The following TMEM65 variants were observed in gnomAD, a reference collection of about 807,000 sequenced individuals.
TMEM65 encodes the protein transmembrane protein 65.
A neutral mutation model predicts 25.4 loss-of-function variants in TMEM65; 22 were observed. That is an observed-to-expected ratio of 0.86 (90% CI 0.62 to 1.23). TMEM65 has a LOEUF of 1.23. Ranked by LOEUF, TMEM65 falls within the 50% of genes most tolerant of loss-of-function variation. The pLI is 0.00. For missense variants in TMEM65, 262 were observed against 308.2 expected (o/e 0.85, Z 1.12); for synonymous variants, 132 against 126.2 (o/e 1.05, Z -0.31).
intron 6 of TMEM65, 115 bp from the exon 7 acceptor site, chr8:124,314,176 T>C (rs1814202995): frequency 2.7e-6 from 2 of 744,984 alleles, no homozygotes; most frequent in African/African-American, 1.8e-5. Flanking sequence ...CCTTCATATA[T>C]ATTCCTCTTC....
intron 1 of TMEM65, among the ~76,000 whole-genome samples, chr8:124,359,841 T>C (rs1425378565): frequency 6.6e-6 from 1 of 152,196 alleles, no homozygotes; most frequent in African/African-American, 2.4e-5. Context: ...TTAGTAATTA[T>C]ACCACACTAA....
At chr8:124,333,324 T>C (rs888103791) in intron 1 of TMEM65, among the ~76,000 whole-genome samples, 4 of 152,096 alleles carry the variant, frequency 2.6e-5, no homozygotes, top group Admixed American at 1.3e-4. Context: ...TATTTCCATA[T>C]ATATATATTT....
At chr8:124,365,248 T>C (rs1327461480) in intron 1 of TMEM65, among the ~76,000 whole-genome samples, 1 of 152,216 alleles carries the variant, frequency 6.6e-6, no homozygotes, top group Non-Finnish European at 1.5e-5. Context: ...TTGACTTACC[T>C]GGAAGCCATA....
intron 1 of TMEM65, among the ~76,000 whole-genome samples, chr8:124,346,917 T>C (rs1324398735): frequency 3.3e-5 from 5 of 152,296 alleles, no homozygotes; most frequent in African/African-American, 1.2e-4. Context: ...AAAGTTCAAA[T>C]GAGTAAGGTA....
Position 124,312,324 on chromosome 8 carries a change from T to C in TMEM65, c.*1636A>G, listed in dbSNP as rs146215009. On this transcript the variant is annotated 3_prime_UTR_variant, in exon 7 of 7. Coordinates refer to ENST00000297632, the MANE Select transcript of TMEM65 (RefSeq NM_194291.3). ...ATGTTATATATTTATTTTTAGATTA[T>C]ATGCTATATTTTTATGCTTTCTCTC... The C allele has an allele frequency of 2.6e-4, 40 of 152,186 alleles. No homozygotes were observed. The East Asian group carries it at 7.7e-3, about 29-fold the overall frequency. 9.4% of individuals were successfully genotyped at this position (152,186 alleles called of 1,614,324 possible).
In TMEM65 at chr8:124,371,955, G is replaced by A. The variant is rs765491688; in HGVS notation, c.203C>T (p.Thr68Met). The A allele has an allele frequency of 2.0e-6, 3 of 1,508,512 alleles. No homozygotes were observed. The highest frequency in any genetic ancestry group is 4.3e-5 in the Admixed American group (2 of 46,816). The allele number at this position is 1,508,512 out of a possible 1,614,324, so 93.4% of individuals were successfully genotyped here. ...PKKEPMEALNTAQGARDFIYS... is the reference protein window; with the variant it reads ...PKKEPMEALNMAQGARDFIYS... ...GATGAAGTCGCGCGCGCCCTGCGCC[G>A]TGTTCAGCGCCTCCATGGGCTCCTT... is the stretch of plus-strand genomic sequence containing the variant. Residue 68 changes from threonine to methionine, a missense_variant, in exon 1 of 7, where the codon ACG becomes ATG. Physicochemically the swap from Thr to Met is moderately conservative, Grantham distance 81. Coordinates refer to ENST00000297632, the MANE Select transcript of TMEM65 (RefSeq NM_194291.3).
intron 1 of TMEM65, 53 bp downstream of exon 1, chr8:124,371,801 A>G: frequency 6.8e-7 from 1 of 1,468,230 alleles, no homozygotes; most frequent in Non-Finnish European, 9.0e-7. Flanking sequence ...TGGGCTGGCG[A>G]GAAGAGGAGG....
intron 1 of TMEM65, among the ~76,000 whole-genome samples, chr8:124,349,695 C>A (rs1391381762): frequency 6.6e-6 from 1 of 152,080 alleles, no homozygotes; most frequent in Non-Finnish European, 1.5e-5. Context: ...CTTCATGATC[C>A]TTTCAAGAGA....
chr8:124,370,859 T>G (rs1563602438), intron 1 of TMEM65, among the ~76,000 whole-genome samples: 1 of 152,184 alleles, frequency 6.6e-6, no homozygotes, highest in Non-Finnish European at 1.5e-5. Context: ...GAGAGGAGAG[T>G]AAACTTTTTT....
chr8:124,343,446 T>C (rs1421922426), intron 1 of TMEM65, among the ~76,000 whole-genome samples: 2 of 152,104 alleles, frequency 1.3e-5, no homozygotes, highest in African/African-American at 4.8e-5. Context: ...GACCTTTCAC[T>C]ATCTAGAACC....
chr8:124,343,964 A>G (rs531782737), intron 1 of TMEM65, among the ~76,000 whole-genome samples: 11 of 152,352 alleles, frequency 7.2e-5, no homozygotes, highest in Non-Finnish European at 1.2e-4. Context: ...TTATAGGCAA[A>G]TGTGTAACCC....
At chr8:124,361,195 AG>A (rs1356022696) in intron 1 of TMEM65, among the ~76,000 whole-genome samples, 3 of 151,886 alleles carry the variant, frequency 2.0e-5, no homozygotes, top group East Asian at 2.0e-4. Flanking sequence ...GCACTTTGGG[AG>A]GCCGAGGCGG....
rs552270988 is a variant in TMEM65 at position 124,332,047 on chromosome 8, T to C, written c.305-1255A>G. Reference sequence around the variant, plus strand: ...AAGCAAACTTAAGCTTTATTTTTCCTTTTTTAGAAGAATTAAGAAATGAAG... The same window carrying C: ...AAGCAAACTTAAGCTTTATTTTTCCCTTTTTAGAAGAATTAAGAAATGAAG... On this transcript the variant is annotated intron_variant, in intron 1 of 6. Coordinates refer to ENST00000297632, the MANE Select transcript of TMEM65 (RefSeq NM_194291.3). Among the ~76,000 whole-genome samples the C allele has an allele frequency of 2.2e-3, 338 of 152,196 alleles. 2 individuals are homozygous for C. The highest frequency in any genetic ancestry group is 7.7e-3 in the African/African-American group (318 of 41,556).
At chr8:124,369,333 C>T (rs1046364533) in intron 1 of TMEM65, among the ~76,000 whole-genome samples, 1 of 152,164 alleles carries the variant, frequency 6.6e-6, no homozygotes, top group Non-Finnish European at 1.5e-5. Flanking sequence ...ATATCACATG[C>T]CTACTGATAA....
rs557014690 is a variant in TMEM65 at position 124,349,504 on chromosome 8, A to G, written c.305-18712T>C. On this transcript the variant is annotated intron_variant, in intron 1 of 6. Transcript: ENST00000297632. ...GTTCCAAAACAACTGGATACCCTATAGCCTGAGGCTAATCCACTGCTAACA... is the reference window on the plus strand; with the variant it reads ...GTTCCAAAACAACTGGATACCCTATGGCCTGAGGCTAATCCACTGCTAACA... Among the ~76,000 whole-genome samples the G allele has an allele frequency of 8.5e-5, 13 of 152,362 alleles. No homozygotes were observed. The East Asian group carries it at 2.5e-3, about 29-fold the overall frequency.
Position 124,308,016 on chromosome 8 carries a change from A to C in TMEM65, c.*5944T>G, listed in dbSNP as rs1248257874. On this transcript the variant is annotated 3_prime_UTR_variant, in exon 7 of 7. Coordinates refer to ENST00000297632, the MANE Select transcript of TMEM65 (RefSeq NM_194291.3). ...TGATCAAGACTGCACTTATCTATAA[A>C]GCTGTTAACTCCCAAGTCTTGAAGG... 1 of 152,194 alleles carries C rather than the reference A, an allele frequency of 6.6e-6. No homozygotes were observed. The highest frequency in any genetic ancestry group is 1.5e-5 in the Non-Finnish European group (1 of 68,040). 9.4% of individuals were successfully genotyped at this position (152,194 alleles called of 1,614,324 possible).
intron 1 of TMEM65, among the ~76,000 whole-genome samples, chr8:124,339,574 C>A (rs922063161): frequency 6.6e-6 from 1 of 151,876 alleles, no homozygotes; most frequent in Non-Finnish European, 1.5e-5. Flanking sequence ...CTGAAGTATA[C>A]CTCCAGGAGC....
rs1209339252 is a variant in TMEM65, at chr8:124,327,258, T to C, written c.417+96A>G. ...AAAAATATCCTTGTTCATTATGATA[T>C]TAAAACTTTATAATCACAATAGAAA... is the stretch of plus-strand genomic sequence containing the variant. On this transcript the variant is annotated intron_variant, in intron 3 of 6. Transcript: ENST00000297632. 5 of 810,832 alleles carry C rather than the reference T, an allele frequency of 6.2e-6. No homozygotes were observed. The East Asian group carries it at 1.4e-4, about 23-fold the overall frequency. 50.2% of individuals were successfully genotyped at this position (810,832 alleles called of 1,614,324 possible).
At chr8:124,340,113 T>A (rs1814567484) in intron 1 of TMEM65, among the ~76,000 whole-genome samples, 1 of 152,142 alleles carries the variant, frequency 6.6e-6, no homozygotes, top group African/African-American at 2.4e-5. Flanking sequence ...TTTTCACAAA[T>A]ATCATTCAAA....
Sources: allele counts gnomAD v4.1 joint callset (sites outside exome capture counted in the v4.1 genomes callset), GRCh38; gene constraint gnomAD v4.1.1; transcripts MANE v1.5; gene names NCBI Gene and HGNC (gene_info 2026-07-23, HGNC 2026-07-21).